The following DPY19L1 variants were observed in gnomAD, a reference collection of about 807,000 sequenced individuals.
The protein encoded by DPY19L1 is protein C-mannosyl-transferase DPY19L1.
DPY19L1 carries 35 observed loss-of-function variants against 96.9 expected under a neutral mutation model. That is an observed-to-expected ratio of 0.36 (90% CI 0.28 to 0.48). The LOEUF is 0.48. Ranked by LOEUF, DPY19L1 falls within the 20% of genes least tolerant of loss-of-function variation. DPY19L1 has a pLI of 0.99. For synonymous variants in DPY19L1, 205 were observed against 252.6 expected, an observed-to-expected ratio of 0.81 and a Z score of 1.79; for missense variants, 521 against 777.9, an observed-to-expected ratio of 0.67 and a Z score of 3.93.
chr7:34,973,092 C>T (rs1319406266), intron 8 of DPY19L1, among the ~76,000 whole-genome samples: 1 of 152,126 alleles, frequency 6.6e-6, no homozygotes, highest in African/African-American at 2.4e-5. Context: ...CAGCTATATT[C>T]AATATTTGTC....
At chr7:34,964,202 T>A (rs1221363770) in intron 10 of DPY19L1, among the ~76,000 whole-genome samples, 1 of 152,058 alleles carries the variant, frequency 6.6e-6, no homozygotes, top group African/African-American at 2.4e-5. Context: ...AAAACGATAA[T>A]GGAAGAAGAT....
intron 2 of DPY19L1, 88 bp downstream of exon 2, chr7:35,018,484 G>A (rs1268768915): frequency 8.1e-7 from 1 of 1,233,344 alleles, no homozygotes; most frequent in Non-Finnish European, 1.2e-6. Flanking sequence ...TGATCATGCT[G>A]AAATTATTCC....
At chr7:34,978,694 A>G (rs1784878846) in intron 7 of DPY19L1, among the ~76,000 whole-genome samples, 1 of 152,082 alleles carries the variant, frequency 6.6e-6, no homozygotes, top group Non-Finnish European at 1.5e-5. Flanking sequence ...ACACAGGTTG[A>G]GTATTTCTCA....
In DPY19L1 at chr7:34,980,129, A is replaced by C. The variant is rs184989416; in HGVS notation, c.823-6524T>G. ...ATATAGTCACTTTATTTATGATACA[A>C]GGCCCACTACAATTCAGCGGGGAAA... On this transcript the variant is annotated intron_variant, in intron 7 of 21. Transcript: ENST00000638088. Among the ~76,000 whole-genome samples, 103 of 152,256 alleles carry C rather than the reference A, an allele frequency of 6.8e-4. 1 individual carries two copies. Among genetic ancestry groups the C allele is most frequent in the Non-Finnish European group, 3.2e-4 (22 of 67,966 alleles).
At chr7:35,037,486 AGCGGGCGG>A (rs1260079691), upstream of DPY19L1, 8 of 303,312 alleles carry the variant, frequency 2.6e-5, no homozygotes, top group East Asian at 3.9e-4. Flanking sequence ...CTCACTCTCC[AGCGGGCGG>A]GCGGGCGGAG....
At chr7:34,936,262 C>A (rs2128780289) in intron 21 of DPY19L1, among the ~76,000 whole-genome samples, 1 of 151,750 alleles carries the variant, frequency 6.6e-6, no homozygotes, top group South Asian at 2.1e-4. Flanking sequence ...AGTGCTCTGC[C>A]TACCCAAACA....
At chr7:34,933,353 A>G (rs1350165074) in intron 21 of DPY19L1, among the ~76,000 whole-genome samples, 1 of 152,238 alleles carries the variant, frequency 6.6e-6, no homozygotes, top group African/African-American at 2.4e-5. Context: ...CTGGTAGCTT[A>G]GTTCCCACTT....
intron 7 of DPY19L1, among the ~76,000 whole-genome samples, chr7:34,984,692 T>C (rs577339341): frequency 2.3e-4 from 35 of 152,198 alleles, no homozygotes; most frequent in Non-Finnish European, 3.7e-4. Flanking sequence ...ATCTTGTACT[T>C]ACACTGTTTC....
Position 35,021,911 on chromosome 7 carries a change from T to C in DPY19L1, c.299-3315A>G, listed in dbSNP as rs548986339. Among the ~76,000 whole-genome samples, 15 of 152,340 alleles carry C rather than the reference T, an allele frequency of 9.8e-5. No homozygotes were observed. The South Asian group carries it at 2.5e-3, about 25-fold the overall frequency. ...TTTTATAGAGGCTATTAATTTTATA[T>C]AAAATTTGGAGATATATTTTACTTA... On this transcript the variant is annotated intron_variant, in intron 1 of 21. Transcript: ENST00000638088.
chr7:34,936,605 C>G (rs1479151226), intron 21 of DPY19L1, among the ~76,000 whole-genome samples: 1 of 152,156 alleles, frequency 6.6e-6, no homozygotes, highest in East Asian at 1.9e-4. Context: ...ATGCTTAGAA[C>G]TTTTCTGTCC....
chr7:34,975,583 T>A (rs530893842), intron 7 of DPY19L1, among the ~76,000 whole-genome samples: 1 of 152,300 alleles, frequency 6.6e-6, no homozygotes, highest in Non-Finnish European at 1.5e-5. Context: ...CTGAGGTAGG[T>A]TGCTGCACTA....
At chr7:34,997,526 C>T (rs975756120) in intron 6 of DPY19L1, among the ~76,000 whole-genome samples, 6 of 144,114 alleles carry the variant, frequency 4.2e-5, no homozygotes, top group Non-Finnish European at 6.0e-5. Flanking sequence ...AGGAGAATGG[C>T]GTGAACCCAG....
chr7:34,961,198 A>C (rs1377378157), intron 10 of DPY19L1, among the ~76,000 whole-genome samples: 1 of 152,198 alleles, frequency 6.6e-6, no homozygotes, highest in Non-Finnish European at 1.5e-5. Context: ...CCAACTCAAT[A>C]CCAAAGAAGA....
chr7:35,031,043 A>G (rs1786248041), intron 1 of DPY19L1, among the ~76,000 whole-genome samples: 1 of 152,168 alleles, frequency 6.6e-6, no homozygotes, highest in African/African-American at 2.4e-5. Flanking sequence ...TGATGGCAAA[A>G]GAACTAGCAA....
intron 6 of DPY19L1, among the ~76,000 whole-genome samples, chr7:35,007,200 TA>T (rs771158316): frequency 2.6e-5 from 4 of 152,248 alleles, no homozygotes; most frequent in Non-Finnish European, 5.9e-5. Flanking sequence ...CTATTCAAAA[TA>T]ATATACATCA....
At chr7:35,026,209 C>T (rs1195385924) in intron 1 of DPY19L1, among the ~76,000 whole-genome samples, 1 of 152,192 alleles carries the variant, frequency 6.6e-6, no homozygotes, top group African/African-American at 2.4e-5. Context: ...CTTCTTGCTA[C>T]TCCCAGTGTC....
At chr7:35,036,935 A>G (rs1786419447) in intron 1 of DPY19L1, among the ~76,000 whole-genome samples, 162 bp downstream of exon 1, 1 of 148,142 alleles carries the variant, frequency 6.8e-6, no homozygotes, top group Admixed American at 6.7e-5. Context: ...AGAATGTCCC[A>G]GAGAAAAAGT....
chr7:34,981,634 A>C (rs1412033499), intron 7 of DPY19L1, among the ~76,000 whole-genome samples: 1 of 152,184 alleles, frequency 6.6e-6, no homozygotes, highest in Admixed American at 6.5e-5. Flanking sequence ...ACACAACATC[A>C]TATGTGCCAT....
At chr7:35,011,713 T>C (rs1393196656) in intron 4 of DPY19L1, among the ~76,000 whole-genome samples, 3 of 152,106 alleles carry the variant, frequency 2.0e-5, no homozygotes, top group Non-Finnish European at 2.9e-5. Context: ...GCTCTACAAC[T>C]CTACTAAGAG....
Sources: allele counts gnomAD v4.1 joint callset (sites outside exome capture counted in the v4.1 genomes callset), GRCh38; gene constraint gnomAD v4.1.1; transcripts MANE v1.5; gene names NCBI Gene and HGNC (gene_info 2026-07-23, HGNC 2026-07-21).